Variants in ASMTL observed in about 807,000 individuals in gnomAD.
ASMTL encodes acetylserotonin O-methyltransferase like, also known as probable bifunctional dTTP/UTP pyrophosphatase/methyltransferase protein.
ASMTL carries 57 observed loss-of-function variants against 60.3 expected under a neutral mutation model. The ratio of observed to expected loss-of-function variants is 0.95; its 90% CI spans 0.76 to 1.18. The LOEUF (loss-of-function observed/expected upper bound fraction) is 1.18. Among genes scored for constraint, ASMTL ranks in the 50% most tolerant of loss-of-function variants. ASMTL has a pLI of 0.00. For missense variants in ASMTL, 981 were observed against 852.6 expected (o/e 1.15, Z -1.88); for synonymous variants, 419 against 373.0 (o/e 1.12, Z -1.42).
At chrX:1,421,920 A>T in intron 8 of ASMTL, 78 bp from the exon 9 acceptor site, 2 of 1,369,816 alleles carry the variant, frequency 1.5e-6, no homozygotes, top group Non-Finnish European at 2.1e-6. Context: ...TGTATCATTG[A>T]GATGTTAAAA....
chrX:1,410,955 C>G (rs377422455), intron 12 of ASMTL, among the ~76,000 whole-genome samples: 22 of 151,856 alleles, frequency 1.4e-4, no homozygotes, highest in African/African-American at 5.1e-4. Context: ...GGAGTCCCAG[C>G]TGGGTGGATC....
intron 9 of ASMTL, among the ~76,000 whole-genome samples, chrX:1,420,692 T>C (rs1190016911): frequency 9.2e-5 from 14 of 152,254 alleles, no homozygotes; most frequent in African/African-American, 3.4e-4. Flanking sequence ...GGCGAGAGGA[T>C]GCAGGGAGCG....
intron 6 of ASMTL, among the ~76,000 whole-genome samples, chrX:1,428,946 G>C (rs1423630688): frequency 6.6e-6 from 1 of 151,190 alleles, no homozygotes; most frequent in Non-Finnish European, 1.5e-5. Flanking sequence ...GCCCAGGCTG[G>C]AGTGCAGTGG....
intron 1 of ASMTL, among the ~76,000 whole-genome samples, chrX:1,451,515 T>C (rs1444338831): frequency 7.4e-6 from 1 of 135,720 alleles, no homozygotes; most frequent in South Asian, 2.5e-4. Context: ...CCCGGCTTAC[T>C]CTCCCCTCCC....
intron 7 of ASMTL, among the ~76,000 whole-genome samples, chrX:1,426,579 G>A (rs1420694731): frequency 4.6e-5 from 7 of 152,158 alleles, no homozygotes; most frequent in Admixed American, 2.6e-4. Context: ...CAGGCCGGGC[G>A]CGCTGGCTCA....
At chrX:1,440,187 C>T (rs1480459196) in intron 2 of ASMTL, among the ~76,000 whole-genome samples, 1 of 151,770 alleles carries the variant, frequency 6.6e-6, no homozygotes, top group Non-Finnish European at 1.5e-5. Context: ...CCCGGGTTCA[C>T]GCCATTCTCC....
At chrX:1,446,568 C>T (rs1176356874) in intron 1 of ASMTL, among the ~76,000 whole-genome samples, 5 of 147,984 alleles carry the variant, frequency 3.4e-5, no homozygotes, top group East Asian at 2.0e-4. Flanking sequence ...GGTGCCATCT[C>T]GGTTCACTGC....
intron 12 of ASMTL, among the ~76,000 whole-genome samples, chrX:1,411,959 CCGCT>C (rs1369788854): frequency 5.9e-5 from 9 of 151,288 alleles, no homozygotes; most frequent in African/African-American, 2.2e-4. Context: ...TTACAGGCAC[CCGCT>C]ATCAAGCCCG....
upstream of ASMTL, among the ~76,000 whole-genome samples, chrX:1,453,436 C>T (rs1206926198): frequency 6.6e-6 from 1 of 151,976 alleles, no homozygotes; most frequent in African/African-American, 2.4e-5. Context: ...CGGCGCTCGC[C>T]CCGCCCCTCC....
intron 12 of ASMTL, among the ~76,000 whole-genome samples, chrX:1,412,024 C>T (rs1195812131): frequency 6.6e-6 from 1 of 151,924 alleles, no homozygotes; most frequent in African/African-American, 2.4e-5. Context: ...ACCATGTTGG[C>T]CAGGCTGGTC....
At chrX:1,448,522 ATGC>A (rs1468609371) in intron 1 of ASMTL, among the ~76,000 whole-genome samples, 4 of 140,304 alleles carry the variant, frequency 2.9e-5, no homozygotes, top group East Asian at 2.3e-4. Flanking sequence ...TCTTGGACAC[ATGC>A]CGCCATCTTG....
At chrX:1,442,933 G>T (rs2091138109) in intron 1 of ASMTL, among the ~76,000 whole-genome samples, 1 of 152,176 alleles carries the variant, frequency 6.6e-6, no homozygotes, top group Admixed American at 6.5e-5. Context: ...CCCTGCCAGG[G>T]TGCAGGGAAC....
chrX:1,411,277 A>G (rs1349462568), intron 12 of ASMTL, among the ~76,000 whole-genome samples: 2 of 152,170 alleles, frequency 1.3e-5, no homozygotes, highest in East Asian at 3.8e-4. Flanking sequence ...ATTTGAGCCT[A>G]TGGGGAGTCC....
chrX:1,403,264 G>T lies in ASMTL; in HGVS notation c.*5C>A. ...CATCCCTATAATGAACATGCTGCCT[G>T]GGCTTCAGGGGGCCACTTTGGTGGC... On this transcript the variant is annotated 3_prime_UTR_variant, in exon 13 of 13. Transcript: ENST00000381317. 2.5e-6 allele frequency: 4 copies of T among 1,609,518 alleles called. No individual in the cohort carries two copies. Among genetic ancestry groups the T allele is most frequent in the East Asian group, 2.2e-5 (1 of 44,828 alleles).
chrX:1,443,664 G>A (rs1250872753), intron 1 of ASMTL, among the ~76,000 whole-genome samples: 25 of 140,794 alleles, frequency 1.8e-4, no homozygotes, highest in Admixed American at 1.4e-3. Flanking sequence ...GACACACACC[G>A]CCATCATGGA....
At chrX:1,416,062 C>G (rs1603450689) in intron 11 of ASMTL, among the ~76,000 whole-genome samples, 1 of 147,284 alleles carries the variant, frequency 6.8e-6, no homozygotes, top group African/African-American at 2.7e-5. Context: ...CGCACAGAGA[C>G]AGACATGCAC....
chrX:1,440,685 A>G (rs1356409676), intron 2 of ASMTL, among the ~76,000 whole-genome samples: 5 of 152,054 alleles, frequency 3.3e-5, no homozygotes, highest in African/African-American at 1.2e-4. Flanking sequence ...TGTAATCCCA[A>G]CACTCCGGGA....
At chrX:1,418,178 A>G in intron 10 of ASMTL, 62 bp from the exon 11 acceptor site, 1 of 1,514,300 alleles carries the variant, frequency 6.6e-7, no homozygotes, top group Non-Finnish European at 8.9e-7. Flanking sequence ...ACGACTCTCC[A>G]AAGCTCAACT....
Position 1,429,798 on chromosome X carries a change from A to G in ASMTL, c.510-1677T>C, listed in dbSNP as rs1394062911. Among the ~76,000 whole-genome samples, 9 of 151,598 alleles carry G rather than the reference A, an allele frequency of 5.9e-5. No homozygotes were observed. The South Asian group carries it at 6.3e-4, about 11-fold the overall frequency. On this transcript the variant is annotated intron_variant, in intron 6 of 12. Coordinates refer to ENST00000381317, the MANE Select transcript of ASMTL (RefSeq NM_004192.4). ...GGTGACGGAGGAAGACTCCGTCTCAAAAAAAATTTCATGTGTTAAATGGGA... is the reference window on the plus strand; with the variant it reads ...GGTGACGGAGGAAGACTCCGTCTCAGAAAAAATTTCATGTGTTAAATGGGA...
Sources: gnomAD v4.1 joint callset for allele counts (sites outside exome capture counted in the v4.1 genomes callset) on GRCh38, gnomAD v4.1.1 for gene constraint, MANE v1.5 for transcripts, NCBI Gene and HGNC (gene_info 2026-07-23, HGNC 2026-07-21) for gene names.